GPHN: variants seen among roughly 807,000 people sequenced by gnomAD.
GPHN encodes the protein gephyrin.
Under a neutral mutation model 95.5 loss-of-function variants are expected in GPHN, and 17 were observed. The observed-to-expected ratio is 0.18, with a 90% CI of 0.12 to 0.27. The LOEUF (loss-of-function observed/expected upper bound fraction) is 0.27. Among genes scored for constraint, GPHN ranks in the 10% least tolerant of loss-of-function variants. The probability of loss-of-function intolerance (pLI) is 1.00; values close to 1 mark genes in which losing one functional copy is unlikely to be tolerated. For missense variants in GPHN, 660 were observed against 978.1 expected, an observed-to-expected ratio of 0.67 and a Z score of 4.34; for synonymous variants, 320 against 322.5, an observed-to-expected ratio of 0.99 and a Z score of 0.08.
chr14:66,607,325 C>T lies in GPHN; in HGVS notation c.65-73782C>T, dbSNP rs901670610. On this transcript the variant is annotated intron_variant, in intron 1 of 22. Transcript: ENST00000478722. ...CCTGCATCCAAGAATACAGCCTACT[C>T]GATCATGGTGAATTAACTTTTTAAT... Among the ~76,000 whole-genome samples, 4 of 151,462 alleles carry T rather than the reference C, an allele frequency of 2.6e-5. No homozygotes were observed. The East Asian group carries it at 5.8e-4, about 22-fold the overall frequency.
At chr14:67,244,372 G>A in the GPHN span, among the ~76,000 whole-genome samples, 1 of 152,196 alleles carries the variant, frequency 6.6e-6, no homozygotes, top group South Asian at 2.1e-4. Context: ...CCTGCAAACA[G>A]TATGAGTGAC....
the GPHN span, among the ~76,000 whole-genome samples, chr14:67,565,105 G>A: frequency 6.6e-6 from 1 of 152,180 alleles, no homozygotes; most frequent in Non-Finnish European, 1.5e-5. Context: ...GGCTTCGCAC[G>A]GAGCCTGTGG....
intron 2 of GPHN, among the ~76,000 whole-genome samples, chr14:66,698,012 T>C (rs995267741): frequency 1.3e-5 from 2 of 152,250 alleles, no homozygotes; most frequent in South Asian, 4.1e-4. Flanking sequence ...TAAATAATAT[T>C]TTCATCTTAT....
the GPHN span, among the ~76,000 whole-genome samples, chr14:67,701,024 C>CAAAAAAAA: frequency 4.5e-5 from 3 of 67,410 alleles, no homozygotes; most frequent in Non-Finnish European, 5.8e-5. Context: ...AATTTCATCT[C>CAAAAAAAA]AAAAAAAAAA....
the GPHN span, among the ~76,000 whole-genome samples, chr14:67,316,495 T>G: frequency 6.6e-6 from 1 of 152,228 alleles, no homozygotes; most frequent in Non-Finnish European, 1.5e-5. Context: ...GAGATAATTC[T>G]AAAGGACCTA....
the GPHN span, chr14:67,205,206 C>T: frequency 1.3e-5 from 13 of 999,120 alleles, no homozygotes; most frequent in East Asian, 1.1e-4. Flanking sequence ...CTACCTACTC[C>T]GAGAAACCTA....
chr14:67,528,800 A>G, the GPHN span, among the ~76,000 whole-genome samples: 6 of 152,168 alleles, frequency 3.9e-5, no homozygotes, highest in Non-Finnish European at 7.3e-5. Context: ...TCTGAGAAAA[A>G]TCACTCAAGG....
chr14:67,347,916 C>CTTT, the GPHN span, among the ~76,000 whole-genome samples: 1 of 146,162 alleles, frequency 6.8e-6, no homozygotes. Context: ...AACTTGCCTT[C>CTTT]TTTTTTTTTT....
intron 10 of GPHN, among the ~76,000 whole-genome samples, chr14:67,029,584 G>A (rs534046275): frequency 2.1e-4 from 32 of 152,220 alleles, no homozygotes; most frequent in South Asian, 1.0e-3. Context: ...TGATCCACCC[G>A]CCTCAGCCCC....
chr14:67,306,407 C>T, the GPHN span, among the ~76,000 whole-genome samples: 7 of 151,994 alleles, frequency 4.6e-5, no homozygotes, highest in South Asian at 4.2e-4. Context: ...TACAGTGGTG[C>T]GATCTTGGCT....
At chr14:67,457,671 G>T in the GPHN span, among the ~76,000 whole-genome samples, 5 of 152,222 alleles carry the variant, frequency 3.3e-5, no homozygotes, top group Admixed American at 6.5e-5. Flanking sequence ...GCAGCCGGTT[G>T]TCACGGCCCC....
chr14:67,201,293 C>T, the GPHN span: 1 of 350,290 alleles, frequency 2.9e-6, no homozygotes, highest in South Asian at 2.3e-5. Context: ...GACTTTGTCT[C>T]TAAAAACAAA....
intron 2 of GPHN, among the ~76,000 whole-genome samples, chr14:66,688,044 A>C (rs1566820652): frequency 6.6e-6 from 1 of 152,214 alleles, no homozygotes; most frequent in Non-Finnish European, 1.5e-5. Context: ...TGTTGACTGG[A>C]ATCCTTAACA....
chr14:66,884,578 G>GC (rs2064092698), intron 5 of GPHN, among the ~76,000 whole-genome samples: 1 of 150,314 alleles, frequency 6.7e-6, no homozygotes, highest in Admixed American at 6.7e-5. Flanking sequence ...TTCCCTACTT[G>GC]TTTTTTTTTA....
intron 1 of GPHN, among the ~76,000 whole-genome samples, chr14:66,582,376 C>CATTTT (rs141449015): frequency 2.1e-4 from 32 of 151,400 alleles, no homozygotes; most frequent in Middle Eastern, 3.4e-3. Context: ...GCAACAAAAG[C>CATTTT]ATTTTATTTT....
chr14:67,615,980 G>T, the GPHN span: 1 of 309,172 alleles, frequency 3.2e-6, no homozygotes. Flanking sequence ...CTAAAGGAAA[G>T]TCTGATGCAG....
intron 1 of GPHN, among the ~76,000 whole-genome samples, chr14:66,570,521 G>C (rs1334832062): frequency 6.6e-6 from 1 of 152,000 alleles, no homozygotes; most frequent in South Asian, 2.1e-4. Flanking sequence ...GGCCAGGCTG[G>C]TCTTGAACTC....
chr14:67,654,366 C>T, the GPHN span, among the ~76,000 whole-genome samples: 1 of 152,092 alleles, frequency 6.6e-6, no homozygotes, highest in Admixed American at 6.5e-5. Context: ...TGGTTTCAAA[C>T]TCCTAGGCTC....
At chr14:67,304,167 G>A in the GPHN span, 1 of 152,516 alleles carries the variant, frequency 6.6e-6, no homozygotes, top group Non-Finnish European at 1.5e-5. Context: ...ATGGAGTAGG[G>A]CAAGTGCTTT....
Sources: allele counts gnomAD v4.1 joint callset (sites outside exome capture counted in the v4.1 genomes callset), GRCh38; gene constraint gnomAD v4.1.1; transcripts MANE v1.5; gene names NCBI Gene and HGNC (gene_info 2026-07-23, HGNC 2026-07-21).